The following DYSF variants were observed in gnomAD, a reference collection of about 807,000 sequenced individuals.
DYSF encodes dystrophy-associated fer-1-like 1.
A neutral mutation model predicts 274.9 loss-of-function variants in DYSF; 212 were observed. That is an observed-to-expected ratio of 0.77 (90% CI 0.69 to 0.86). The LOEUF is 0.86. DYSF is among the 40% of genes least tolerant of loss of function. The pLI, the probability that DYSF is intolerant of heterozygous loss-of-function variation, is 0.00. For missense variants in DYSF, 2,666 were observed against 2,783.2 expected, an observed-to-expected ratio of 0.96 and a Z score of 0.95; for synonymous variants, 1,091 against 1,078.7, an observed-to-expected ratio of 1.01 and a Z score of -0.22.
chr2:71,669,154 C>A lies in DYSF; in HGVS notation c.5589C>A (p.Ile1863=). ...TTATCTGGAATACCAGAGATGTGATCCTGGATGACCTGAGCCTCACGGGGG... is the reference window on the plus strand; with the variant it reads ...TTATCTGGAATACCAGAGATGTGATACTGGATGACCTGAGCCTCACGGGGG... ...RCIIWNTRDV[I]LDDLSLTGEK... The change falls in exon 50 of 56, where the codon ATC becomes ATA. Residue 1863 remains isoleucine, a synonymous_variant. Transcript: ENST00000410020. 6.2e-7 allele frequency: 1 copy of A among 1,610,364 alleles called. No homozygotes were observed. The highest frequency in any genetic ancestry group is 8.5e-7 in the Non-Finnish European group (1 of 1,178,470).
chr2:71,496,442 A>T (rs1216273799), intron 3 of DYSF, among the ~76,000 whole-genome samples: 1 of 152,164 alleles, frequency 6.6e-6, no homozygotes, highest in African/African-American at 2.4e-5. Flanking sequence ...GTGGTTTCCA[A>T]GGGAAGGAAT....
chr2:71,665,097 C>T, intron 46 of DYSF, 65 bp from the exon 47 acceptor site: 2 of 1,608,234 alleles, frequency 1.2e-6, no homozygotes, highest in Non-Finnish European at 1.7e-6. Context: ...CCAGTCCCTG[C>T]ATGCCCCTCT....
At chr2:71,456,399 C>T (rs920762732) in intron 1 of DYSF, among the ~76,000 whole-genome samples, 1 of 152,080 alleles carries the variant, frequency 6.6e-6, no homozygotes, top group Non-Finnish European at 1.5e-5. Flanking sequence ...AATTTGGCCT[C>T]CCTGTGACAT....
chr2:71,672,308 T>C (rs2095139150), intron 51 of DYSF, among the ~76,000 whole-genome samples: 1 of 151,592 alleles, frequency 6.6e-6, no homozygotes, highest in Non-Finnish European at 1.5e-5. Context: ...TGGGTTGGGC[T>C]GAAGGATCGA....
At chr2:71,546,212 G>A (rs1390197968) in intron 17 of DYSF, among the ~76,000 whole-genome samples, 2 of 152,242 alleles carry the variant, frequency 1.3e-5, no homozygotes, top group African/African-American at 4.8e-5. Flanking sequence ...CTCAGAACGC[G>A]TCGCTCCAAC....
Position 71,482,122 on chromosome 2 carries a change from G to C in DYSF, c.239+152G>C, listed in dbSNP as rs2082965809. Reference sequence around the variant, plus strand: ...TGGGACTGGCCCAGTGATAGATGTTGGGAGAATCTGGCTGTGGCTTCAGGA... The same window carrying C: ...TGGGACTGGCCCAGTGATAGATGTTCGGAGAATCTGGCTGTGGCTTCAGGA... On this transcript the variant is annotated intron_variant, in intron 3 of 55. Coordinates refer to ENST00000410020, the MANE Select transcript of DYSF (RefSeq NM_001130987.2). 7.5e-6 allele frequency: 5 copies of C among 664,534 alleles called. No homozygotes were observed. The South Asian group carries it at 9.2e-5, about 12-fold the overall frequency. 41.2% of individuals were successfully genotyped at this position (664,534 alleles called of 1,614,324 possible). A position where few individuals can be genotyped will look rare whatever the true frequency, so the allele number is the denominator to read the frequency against.
At chr2:71,672,185 G>A (rs558954524) in intron 51 of DYSF, among the ~76,000 whole-genome samples, 46 of 151,358 alleles carry the variant, frequency 3.0e-4, no homozygotes, top group South Asian at 4.1e-4. Context: ...TGGCTCGGCC[G>A]AAGGCGGAGA....
intron 55 of DYSF, among the ~76,000 whole-genome samples, chr2:71,685,241 C>A (rs962158227): frequency 6.6e-6 from 1 of 152,204 alleles, no homozygotes; most frequent in South Asian, 2.1e-4. Context: ...CTCCTGTCCC[C>A]CCAGCAGCGG....
At chr2:71,515,882 C>T (rs1317217899) in intron 8 of DYSF, 131 bp downstream of exon 8, 1 of 1,369,314 alleles carries the variant, frequency 7.3e-7, no homozygotes, top group Admixed American at 2.1e-5. Context: ...GATGTGCTGG[C>T]TCCCAAGGAG....
intron 41 of DYSF, among the ~76,000 whole-genome samples, chr2:71,631,941 C>T (rs192925475): frequency 7.7e-4 from 117 of 152,192 alleles, no homozygotes; most frequent in African/African-American, 2.7e-3. Flanking sequence ...CACCATCCGG[C>T]GCTCCTTGCC....
intron 42 of DYSF, among the ~76,000 whole-genome samples, chr2:71,655,934 G>T (rs1280609494): frequency 6.6e-6 from 1 of 151,836 alleles, no homozygotes. Flanking sequence ...TTCCTTTCTG[G>T]CTCCCTCTGT....
At chr2:71,675,954 A>G (rs1000253126) in intron 52 of DYSF, among the ~76,000 whole-genome samples, 3 of 152,132 alleles carry the variant, frequency 2.0e-5, no homozygotes, top group African/African-American at 7.2e-5. Context: ...TGAAAAACCT[A>G]ATATTCCAAG....
At chr2:71,555,129 C>T (rs1018454335) in intron 21 of DYSF, among the ~76,000 whole-genome samples, 5 of 152,028 alleles carry the variant, frequency 3.3e-5, no homozygotes, top group African/African-American at 1.2e-4. Context: ...TTCCCAGAGA[C>T]TGGCAGCTCT....
chr2:71,541,335 T>C (rs2089908058), intron 17 of DYSF, among the ~76,000 whole-genome samples: 1 of 152,182 alleles, frequency 6.6e-6, no homozygotes, highest in African/African-American at 2.4e-5. Flanking sequence ...TATTTTTAGT[T>C]TGTCACTTTT....
chr2:71,557,991 C>A (rs747564365), intron 22 of DYSF, among the ~76,000 whole-genome samples: 2 of 151,862 alleles, frequency 1.3e-5, no homozygotes, highest in South Asian at 4.2e-4. Context: ...GAGATTGTGC[C>A]CCTACACTCC....
chr2:71,630,883 G>A (rs1415308584), intron 41 of DYSF, among the ~76,000 whole-genome samples: 1 of 152,156 alleles, frequency 6.6e-6, no homozygotes, highest in Admixed American at 6.5e-5. Flanking sequence ...TTTCTTCATG[G>A]ATATGCTCTT....
At chr2:71,478,816 C>G (rs888539660) in intron 1 of DYSF, among the ~76,000 whole-genome samples, 7 of 151,976 alleles carry the variant, frequency 4.6e-5, no homozygotes, top group Non-Finnish European at 1.0e-4. Flanking sequence ...CTTTTGCTCC[C>G]TCTCACGTGC....
rs769954220 is a variant in DYSF, at chr2:71,679,165, T to A, written c.5993T>A (p.Leu1998His). 6.2e-7 allele frequency: 1 copy of A among 1,613,934 alleles called. No individual in the cohort carries two copies. Among genetic ancestry groups the A allele is most frequent in the East Asian group, 2.2e-5 (1 of 44,882 alleles). Residue 1998 changes from leucine (L) to histidine (H), a missense_variant, in exon 53 of 56, where the codon CTT becomes CAT. By Grantham distance (99) the Leu-to-His change is moderately conservative (BLOSUM62 -3). Around this residue, in one of 3 missense-constraint regions of DYSF, gnomAD observed 1,460 missense variants for 1,502.1 expected, o/e 0.97. Coordinates refer to ENST00000410020, the MANE Select transcript of DYSF (RefSeq NM_001130987.2). ...DAFHPEWFVSLFEQKTVKGWW... is the reference protein window; with the variant it reads ...DAFHPEWFVSHFEQKTVKGWW... ...TTCCACCCAGAATGGTTTGTGTCCC[T>A]TTTTGAGCAGAAAACAGTGAAGGGC...
At chr2:71,522,967 C>T (rs949731773) in intron 12 of DYSF, among the ~76,000 whole-genome samples, 3 of 152,196 alleles carry the variant, frequency 2.0e-5, no homozygotes, top group African/African-American at 7.2e-5. Flanking sequence ...GTCCAGCTCC[C>T]ACTCTCTCTC....
Sources: gnomAD v4.1 joint callset for allele counts (sites outside exome capture counted in the v4.1 genomes callset) on GRCh38, gnomAD v4.1.1 for gene constraint, gnomAD v4.1.1 regional missense constraint, MANE v1.5 for transcripts, NCBI Gene and HGNC (gene_info 2026-07-23, HGNC 2026-07-21) for gene names.